The following KLRG1 variants were observed in gnomAD, a reference collection of about 807,000 sequenced individuals.
KLRG1 encodes killer cell lectin like receptor G1.
KLRG1 carries 16 observed loss-of-function variants against 21.8 expected under a neutral mutation model. That is an observed-to-expected ratio of 0.73 (90% CI 0.50 to 1.11). The LOEUF (loss-of-function observed/expected upper bound fraction) is 1.11, where lower values mean the gene tolerates loss of function less well. Ranked by LOEUF, KLRG1 falls within the 50% of genes most tolerant of loss-of-function variation. KLRG1 has a pLI of 0.00. For missense variants in KLRG1, 173 were observed against 218.3 expected, an observed-to-expected ratio of 0.79 and a Z score of 1.31; for synonymous variants, 69 against 75.9, an observed-to-expected ratio of 0.91 and a Z score of 0.47.
At chr12:9,082,257 C>T in the KLRG1 span, among the ~76,000 whole-genome samples, 2 of 152,222 alleles carry the variant, frequency 1.3e-5, no homozygotes, top group Non-Finnish European at 2.9e-5. Flanking sequence ...TACCTAACCT[C>T]ACAGCCCGGA....
At chr12:9,204,184 T>C in the KLRG1 span, among the ~76,000 whole-genome samples, 6 of 152,176 alleles carry the variant, frequency 3.9e-5, no homozygotes, top group Non-Finnish European at 5.9e-5. Flanking sequence ...GAGATTGCTT[T>C]CCAAGATGTT....
chr12:9,068,324 G>A, the KLRG1 span: 1 of 1,208,864 alleles, frequency 8.3e-7, no homozygotes, highest in Non-Finnish European at 1.2e-6. Context: ...AGTTTGTTGT[G>A]GGAAGAACAG....
chr12:9,188,397 C>T, the KLRG1 span, among the ~76,000 whole-genome samples: 1 of 152,178 alleles, frequency 6.6e-6, no homozygotes. Flanking sequence ...CCATCTATGA[C>T]AAACCCATGG....
the KLRG1 span, among the ~76,000 whole-genome samples, chr12:9,134,527 C>T: frequency 3.9e-5 from 6 of 152,086 alleles, no homozygotes; most frequent in African/African-American, 1.4e-4. Context: ...AGCTTATTTA[C>T]CTTGCTTCAC....
chr12:9,050,205 T>C, the KLRG1 span, among the ~76,000 whole-genome samples: 9 of 152,126 alleles, frequency 5.9e-5, no homozygotes, highest in African/African-American at 2.2e-4. Flanking sequence ...AGAAATACAG[T>C]TTTAAGAAGT....
chr12:9,192,205 C>G, the KLRG1 span: 8 of 1,613,734 alleles, frequency 5.0e-6, no homozygotes, highest in African/African-American at 1.3e-5. Context: ...TCTCCTGACT[C>G]CACAGGCAGA....
the KLRG1 span, chr12:9,168,974 C>A: frequency 1.2e-6 from 2 of 1,608,642 alleles, no homozygotes; most frequent in Non-Finnish European, 1.7e-6. Flanking sequence ...AATCCCATCC[C>A]CTGGAAAAAA....
chr12:9,144,165 A>AAGAGAGAGAGAG, the KLRG1 span, among the ~76,000 whole-genome samples: 4 of 149,488 alleles, frequency 2.7e-5, no homozygotes, highest in African/African-American at 9.8e-5. Flanking sequence ...CCACATGAGG[A>AAGAGAGAGAGAG]AGAGAGAGAG....
At chr12:9,145,283 GT>G in the KLRG1 span, among the ~76,000 whole-genome samples, 3 of 151,724 alleles carry the variant, frequency 2.0e-5, no homozygotes, top group Non-Finnish European at 4.4e-5. Flanking sequence ...GTGTTTTATT[GT>G]TTTTTTGTGT....
chr12:9,120,211 T>C, the KLRG1 span, among the ~76,000 whole-genome samples: 4 of 152,186 alleles, frequency 2.6e-5, no homozygotes, highest in African/African-American at 4.8e-5. Context: ...CATCCATCAG[T>C]GTTTCCAGGA....
chr12:9,077,089 GTTA>G, the KLRG1 span, among the ~76,000 whole-genome samples: 2 of 152,178 alleles, frequency 1.3e-5, no homozygotes, highest in African/African-American at 4.8e-5. Context: ...ATTTTTATCT[GTTA>G]TTCTCACATT....
At chr12:9,024,018 ATTTTTTT>A in the KLRG1 span, among the ~76,000 whole-genome samples, 896 of 70,912 alleles carry the variant, frequency 0.013, 3 homozygotes, top group African/African-American at 0.048. Context: ...GAACACATGG[ATTTTTTT>A]TTTTTTTTTT....
At chr12:8,981,894 A>G (rs966597738) in intron 1 of KLRG1, among the ~76,000 whole-genome samples, 1 of 152,110 alleles carries the variant, frequency 6.6e-6, no homozygotes, top group African/African-American at 2.4e-5. Context: ...GCTTCTGTTC[A>G]TATGTTTTGA....
the KLRG1 span, chr12:9,164,098 T>C: frequency 1.3e-6 from 2 of 1,586,516 alleles, no homozygotes; most frequent in Non-Finnish European, 1.7e-6. Flanking sequence ...ACCGTCCTTG[T>C]TGATTGATAG....
At chr12:9,110,533 C>T in the KLRG1 span, among the ~76,000 whole-genome samples, 2 of 151,692 alleles carry the variant, frequency 1.3e-5, no homozygotes, top group Non-Finnish European at 2.9e-5. Flanking sequence ...GGGATGGGTA[C>T]TCCATTTATT....
the KLRG1 span, chr12:9,149,078 G>A: frequency 1.0e-5 from 13 of 1,264,786 alleles, no homozygotes; most frequent in Non-Finnish European, 1.3e-5. Context: ...GTGAGCTTAT[G>A]CAGGGTCAGG....
At chr12:9,080,584 A>G in the KLRG1 span, among the ~76,000 whole-genome samples, 1 of 152,228 alleles carries the variant, frequency 6.6e-6, no homozygotes, top group Non-Finnish European at 1.5e-5. Context: ...ATAAGTATAC[A>G]TAAGTAAAAT....
At chr12:9,157,143 A>G in the KLRG1 span, 1 of 1,594,716 alleles carries the variant, frequency 6.3e-7, no homozygotes, top group South Asian at 1.1e-5. Context: ...ATGTGTTCTC[A>G]TTGTTCAGCT....
At chr12:9,106,098 C>T in the KLRG1 span, 1 of 540,390 alleles carries the variant, frequency 1.9e-6, no homozygotes, top group Non-Finnish European at 3.3e-6. Flanking sequence ...TTATACTAAT[C>T]AAGCCTTGGT....
Sources: allele counts gnomAD v4.1 joint callset (sites outside exome capture counted in the v4.1 genomes callset), GRCh38; gene constraint gnomAD v4.1.1; transcripts MANE v1.5; gene names NCBI Gene and HGNC (gene_info 2026-07-23, HGNC 2026-07-21).